Variants in KIF26B observed in about 807,000 individuals in gnomAD.
KIF26B encodes kinesin-like protein KIF26B.
Under a neutral mutation model 151.2 loss-of-function variants are expected in KIF26B, and 63 were observed. That is an observed-to-expected ratio of 0.42 (90% CI 0.34 to 0.51). KIF26B has a LOEUF of 0.51. Among genes scored for constraint, KIF26B ranks in the 20% least tolerant of loss-of-function variants. KIF26B has a pLI of 0.07. For missense variants in KIF26B, 2,813 were observed against 2,913.6 expected, an observed-to-expected ratio of 0.97 and a Z score of 0.79; for synonymous variants, 1,357 against 1,262.1, an observed-to-expected ratio of 1.08 and a Z score of -1.59.
chr1:245,410,480 G>A (rs967960733), intron 3 of KIF26B, among the ~76,000 whole-genome samples: 1 of 151,982 alleles, frequency 6.6e-6, no homozygotes, highest in African/African-American at 2.4e-5. Context: ...ACAGGGTCTC[G>A]CTCTGTCACC....
chr1:245,500,994 C>A (rs1425650617), intron 4 of KIF26B, among the ~76,000 whole-genome samples: 1 of 152,206 alleles, frequency 6.6e-6, no homozygotes, highest in Non-Finnish European at 1.5e-5. Context: ...ATGACGAACT[C>A]ATTAAAATCA....
chr1:245,394,910 T>C (rs1273039554), intron 3 of KIF26B, among the ~76,000 whole-genome samples: 4 of 152,090 alleles, frequency 2.6e-5, no homozygotes, highest in Non-Finnish European at 5.9e-5. Context: ...CAGGCTGGTT[T>C]CGAACTCCTG....
At chr1:245,460,003 A>G (rs950608577) in intron 4 of KIF26B, among the ~76,000 whole-genome samples, 1 of 151,686 alleles carries the variant, frequency 6.6e-6, no homozygotes, top group Non-Finnish European at 1.5e-5. Flanking sequence ...TCTTTTTGAG[A>G]CAGTCTCGCT....
chr1:245,498,291 C>T (rs1401893468), intron 4 of KIF26B, among the ~76,000 whole-genome samples: 1 of 152,164 alleles, frequency 6.6e-6, no homozygotes, highest in African/African-American at 2.4e-5. Flanking sequence ...TCAGGGGCAA[C>T]TCAGGTGATA....
chr1:245,380,467 C>G (rs1395977829), intron 3 of KIF26B, among the ~76,000 whole-genome samples: 4 of 152,198 alleles, frequency 2.6e-5, no homozygotes, highest in Non-Finnish European at 5.9e-5. Flanking sequence ...CAAGGCGCTG[C>G]GTCGCCAGGG....
rs1338275740 is a variant in KIF26B at position 245,687,973 on chromosome 1, A to G, written c.4990A>G (p.Ser1664Gly). Reference protein sequence around the residue: ...LFSAKLEQLASRSNSLGRATV... With the variant: ...LFSAKLEQLAGRSNSLGRATV... ...CAGTGCCAAGCTGGAGCAGCTGGCC[A>G]GCAGAAGCAACTCGCTGGGCAGGGC... The change falls in exon 12 of 15, where the codon AGC becomes GGC. Residue 1664 changes from serine (S) to glycine (G), a missense_variant. By Grantham distance (56) the Ser-to-Gly change is moderately conservative. Coordinates refer to ENST00000407071, the MANE Select transcript of KIF26B (RefSeq NM_018012.4). This position sits in a 1 kb window ranked among gnomAD's most constrained non-coding sequence, Gnocchi z 4.9. 6.3e-7 allele frequency: 1 copy of G among 1,583,122 alleles called. No homozygotes were observed. Among genetic ancestry groups the G allele is most frequent in the Non-Finnish European group, 8.6e-7 (1 of 1,166,508 alleles).
At chr1:245,587,159 C>T (rs183170975) in intron 5 of KIF26B, among the ~76,000 whole-genome samples, 336 of 152,292 alleles carry the variant, frequency 2.2e-3, no homozygotes, top group Non-Finnish European at 3.7e-3. Flanking sequence ...TCACCTAGAG[C>T]GCACAGCTGA....
At chr1:245,644,909 G>A (rs2043930492) in intron 9 of KIF26B, among the ~76,000 whole-genome samples, 2 of 152,184 alleles carry the variant, frequency 1.3e-5, no homozygotes, top group Non-Finnish European at 2.9e-5. Context: ...TATACAAGAA[G>A]CATGGCACCC....
At position 245,239,873 on chromosome 1, in the gene KIF26B, C is replaced by G. The variant is rs1410323182; in HGVS notation, c.465+83190C>G. Among the ~76,000 whole-genome samples, 1 of 151,974 alleles carries G rather than the reference C, an allele frequency of 6.6e-6. No individual in the cohort carries two copies. Among genetic ancestry groups the G allele is most frequent in the African/African-American group, 2.4e-5 (1 of 41,378 alleles). On this transcript the variant is annotated intron_variant, in intron 2 of 14. Coordinates refer to ENST00000407071, the MANE Select transcript of KIF26B (RefSeq NM_018012.4). The surrounding 1 kb of genome is among the most constrained non-coding windows in gnomAD (Gnocchi z 4.3). ...TTCCTGACAGTGTATTTTTATTTTA[C>G]TATATAAAGAGTCACTTTCCGGCCG...
chr1:245,350,343 G>A (rs1443642049), intron 2 of KIF26B, among the ~76,000 whole-genome samples: 1 of 152,104 alleles, frequency 6.6e-6, no homozygotes, highest in Admixed American at 6.5e-5. Context: ...GATAACTTAA[G>A]GACTCACCAA....
In KIF26B at chr1:245,691,468, T is replaced by C. The variant is rs543949929; in HGVS notation, c.5824+2661T>C. Among the ~76,000 whole-genome samples, 15 of 152,356 alleles carry C rather than the reference T, an allele frequency of 9.8e-5. No homozygotes were observed. In the East Asian group the frequency reaches 2.3e-3, roughly 24 times the overall value. ...CTGTAGATCCAGGCTCCATGATGGA[T>C]GTGGCAGTGGAGATGTGCTGGTTTC... On this transcript the variant is annotated intron_variant, in intron 12 of 14. Coordinates refer to ENST00000407071, the MANE Select transcript of KIF26B (RefSeq NM_018012.4).
At chr1:245,374,580 G>T (rs1673228529) in intron 3 of KIF26B, among the ~76,000 whole-genome samples, 1 of 152,060 alleles carries the variant, frequency 6.6e-6, no homozygotes, top group South Asian at 2.1e-4. Flanking sequence ...CAGCACTGGG[G>T]TCACCTGCTT....
Position 245,688,123 on chromosome 1 carries a change from G to C in KIF26B, c.5140G>C (p.Ala1714Pro). The C allele has an allele frequency of 2.5e-6, 4 of 1,575,800 alleles. No homozygotes were observed. Among genetic ancestry groups the C allele is most frequent in the Non-Finnish European group, 3.4e-6 (4 of 1,166,472 alleles). Residue 1714 changes from alanine to proline, a missense_variant, in exon 12 of 15, where the codon GCC (alanine) becomes CCC (proline). By Grantham distance (27) the Ala-to-Pro change is conservative. Coordinates refer to ENST00000407071, the MANE Select transcript of KIF26B (RefSeq NM_018012.4). The part of the protein sequence containing the change: ...PRAGRSLGRS[A>P]GTSPPSSGAS... ...CGCGGGGAGGAGCCTGGGCCGCAGCGCCGGGACCTCGCCCCCCAGCTCCGG... is the reference window on the plus strand; with the variant it reads ...CGCGGGGAGGAGCCTGGGCCGCAGCCCCGGGACCTCGCCCCCCAGCTCCGG...
chr1:245,207,917 G>A (rs1669438650), intron 2 of KIF26B, among the ~76,000 whole-genome samples: 1 of 152,226 alleles, frequency 6.6e-6, no homozygotes, highest in Non-Finnish European at 1.5e-5. Flanking sequence ...GCTGTAGCAG[G>A]AGGGAGTATC....
intron 12 of KIF26B, among the ~76,000 whole-genome samples, chr1:245,694,711 G>C (rs1192810044): frequency 6.6e-6 from 1 of 152,230 alleles, no homozygotes. Context: ...AACAGGAGGG[G>C]CGAGGGGGTG....
chr1:245,481,364 A>G (rs774918985), intron 4 of KIF26B, among the ~76,000 whole-genome samples: 3 of 151,892 alleles, frequency 2.0e-5, no homozygotes, highest in African/African-American at 4.8e-5. Flanking sequence ...CTAGAGAACA[A>G]TGGAACTCCT....
At position 245,239,389 on chromosome 1, in the gene KIF26B, C is replaced by T. The variant is rs753433233; in HGVS notation, c.465+82706C>T. On this transcript the variant is annotated intron_variant, in intron 2 of 14. Coordinates refer to ENST00000407071, the MANE Select transcript of KIF26B (RefSeq NM_018012.4). This position sits in a 1 kb window ranked among gnomAD's most constrained non-coding sequence, Gnocchi z 4.3. ...TACGTTTTAATGATTTACTAGAAAG[C>T]GAATTCTTTCTTTGCATCAATTTTT... is the stretch of plus-strand genomic sequence containing the variant. 1.2e-4 allele frequency among the ~76,000 whole-genome samples: 18 copies of T among 152,268 alleles called. No homozygotes were observed. The highest frequency in any genetic ancestry group is 2.6e-4 in the African/African-American group (11 of 41,548).
At chr1:245,425,068 T>C (rs1253939456) in intron 4 of KIF26B, among the ~76,000 whole-genome samples, 1 of 130,018 alleles carries the variant, frequency 7.7e-6, no homozygotes, top group Non-Finnish European at 1.6e-5. Context: ...AACGAGGGCC[T>C]TTTTTTTTTT....
chr1:245,335,654 A>AG (rs1179782560), intron 2 of KIF26B, among the ~76,000 whole-genome samples: 3 of 150,122 alleles, frequency 2.0e-5, no homozygotes, highest in African/African-American at 4.9e-5. Context: ...ACGAGGGGAA[A>AG]GGGGGGTCCC....
Sources: allele counts gnomAD v4.1 joint callset (sites outside exome capture counted in the v4.1 genomes callset), GRCh38; gene constraint gnomAD v4.1.1; non-coding constraint Gnocchi (gnomAD v3.1); transcripts MANE v1.5; gene names NCBI Gene and HGNC (gene_info 2026-07-23, HGNC 2026-07-21).